Variants in RBFOX1 observed in about 807,000 individuals in gnomAD.
The protein encoded by RBFOX1 is RNA binding fox-1 homolog 1, also known as RNA binding protein fox-1 homolog 1.
Under a neutral mutation model 57.7 loss-of-function variants are expected in RBFOX1, and 8 were observed. The ratio of observed to expected loss-of-function variants is 0.14; its 90% CI spans 0.08 to 0.25. The LOEUF (loss-of-function observed/expected upper bound fraction) is 0.25. RBFOX1 is among the 10% of genes least tolerant of loss of function. The probability of loss-of-function intolerance (pLI) is 1.00; values close to 1 mark genes in which losing one functional copy is unlikely to be tolerated. For missense variants in RBFOX1, 611 were observed against 548.5 expected, an observed-to-expected ratio of 1.11 and a Z score of -1.14; for synonymous variants, 326 against 222.4, an observed-to-expected ratio of 1.47 and a Z score of -4.15.
intron 3 of RBFOX1, among the ~76,000 whole-genome samples, chr16:6,679,649 A>G (rs964587024): frequency 2.0e-5 from 3 of 152,180 alleles, no homozygotes; most frequent in African/African-American, 7.2e-5. Flanking sequence ...CCTTTGCTCA[A>G]AACTTTAAAA....
At chr16:5,274,274 A>G (rs1036269704) in intron 1 of RBFOX1, among the ~76,000 whole-genome samples, 1 of 152,132 alleles carries the variant, frequency 6.6e-6, no homozygotes, top group African/African-American at 2.4e-5. Context: ...TATGCCTGTA[A>G]TCTCAGCCCT....
chr16:7,605,724 A>T (rs1308125022), intron 9 of RBFOX1, among the ~76,000 whole-genome samples: 1 of 152,160 alleles, frequency 6.6e-6, no homozygotes, highest in Non-Finnish European at 1.5e-5. Context: ...CTTCACATTC[A>T]AACTTTAATC....
intron 1 of RBFOX1, among the ~76,000 whole-genome samples, chr16:5,405,068 C>G (rs1455432938): frequency 6.6e-6 from 1 of 152,116 alleles, no homozygotes; most frequent in Non-Finnish European, 1.5e-5. Context: ...GGAATCTGTG[C>G]AAAGAGAGGT....
chr16:6,719,656 T>A (rs578141194), intron 3 of RBFOX1, among the ~76,000 whole-genome samples: 1 of 151,680 alleles, frequency 6.6e-6, no homozygotes, highest in Non-Finnish European at 1.5e-5. Flanking sequence ...CCATGTTAGC[T>A]AGGATGGTCT....
At chr16:6,517,064 T>G (rs1236696747) in intron 2 of RBFOX1, among the ~76,000 whole-genome samples, 1 of 152,180 alleles carries the variant, frequency 6.6e-6, no homozygotes, top group Admixed American at 6.5e-5. Context: ...ATTCCAAATA[T>G]AGAGGTGGAA....
At chr16:6,567,891 G>C (rs1444760623) in intron 2 of RBFOX1, among the ~76,000 whole-genome samples, 1 of 152,140 alleles carries the variant, frequency 6.6e-6, no homozygotes, top group African/African-American at 2.4e-5. Context: ...TGAGATTACA[G>C]TTTGCTGGAG....
At chr16:6,470,118 A>C (rs1277909615) in intron 2 of RBFOX1, among the ~76,000 whole-genome samples, 2 of 152,176 alleles carry the variant, frequency 1.3e-5, no homozygotes, top group Admixed American at 6.5e-5. Flanking sequence ...ATTCATTTAA[A>C]ATAGAGTATA....
Position 6,905,356 on chromosome 16 carries a change from C to T in RBFOX1, c.-15-146701C>T, listed in dbSNP as rs2069583403. 2.0e-5 allele frequency among the ~76,000 whole-genome samples: 3 copies of T among 151,960 alleles called. No individual in the cohort carries two copies. In the South Asian group the frequency reaches 6.2e-4, roughly 32 times the overall value. ...ATCCCCTGAGGTTGGGAGTTCGAGA[C>T]TCCCAGGCCAACAAGGCAAAACCCC... On this transcript the variant is annotated intron_variant, in intron 3 of 15. Coordinates refer to ENST00000550418, the MANE Select transcript of RBFOX1 (RefSeq NM_018723.4).
At chr16:6,069,748 A>C (rs1445925571) in intron 1 of RBFOX1, among the ~76,000 whole-genome samples, 3 of 152,180 alleles carry the variant, frequency 2.0e-5, no homozygotes, top group Non-Finnish European at 4.4e-5. Context: ...ACACTTTGGG[A>C]GGCTGAGGTG....
At chr16:6,570,554 TA>T (rs1386001944) in intron 2 of RBFOX1, among the ~76,000 whole-genome samples, 1 of 152,182 alleles carries the variant, frequency 6.6e-6, no homozygotes, top group Admixed American at 6.5e-5. Flanking sequence ...CATGTATGCT[TA>T]ATTGGAAAAA....
intron 1 of RBFOX1, among the ~76,000 whole-genome samples, chr16:6,255,710 C>T (rs185875316): frequency 1.1e-4 from 17 of 151,742 alleles, no homozygotes; most frequent in East Asian, 7.8e-4. Context: ...ACTATGCAGC[C>T]GTAAAAAAAG....
intron 2 of RBFOX1, among the ~76,000 whole-genome samples, chr16:6,406,794 A>G (rs2093296708): frequency 6.6e-6 from 1 of 152,160 alleles, no homozygotes; most frequent in Non-Finnish European, 1.5e-5. Context: ...TGGGGTCAGG[A>G]TCCATTCAGA....
intron 3 of RBFOX1, among the ~76,000 whole-genome samples, chr16:6,751,549 C>G (rs1034466250): frequency 2.6e-5 from 4 of 152,144 alleles, no homozygotes; most frequent in African/African-American, 9.7e-5. Flanking sequence ...GGATAAAGAA[C>G]TAGAAAGGTA....
chr16:6,845,369 A>G (rs532906820), intron 3 of RBFOX1, among the ~76,000 whole-genome samples: 15 of 150,306 alleles, frequency 1.0e-4, no homozygotes, highest in Non-Finnish European at 2.2e-4. Context: ...TTGTGTAAGG[A>G]AGAGGTCCAG....
chr16:6,418,799 G>A (rs1183817950), intron 2 of RBFOX1, among the ~76,000 whole-genome samples: 1 of 152,092 alleles, frequency 6.6e-6, no homozygotes, highest in East Asian at 1.9e-4. Flanking sequence ...AATATGCTGG[G>A]ATTACAGGCA....
chr16:6,833,645 C>G (rs2092875296), intron 3 of RBFOX1, among the ~76,000 whole-genome samples: 1 of 152,170 alleles, frequency 6.6e-6, no homozygotes, highest in Admixed American at 6.5e-5. Flanking sequence ...TTGTCTTCCT[C>G]ATGTCTTCCC....
chr16:5,729,535 A>G (rs1037754224), intron 3 of RBFOX1, among the ~76,000 whole-genome samples: 4 of 151,938 alleles, frequency 2.6e-5, no homozygotes, highest in African/African-American at 4.8e-5. Context: ...GCATGTGGGA[A>G]CTAAGACCTG....
intron 3 of RBFOX1, among the ~76,000 whole-genome samples, chr16:5,758,145 A>G (rs1407752263): frequency 2.0e-5 from 3 of 152,372 alleles, no homozygotes; most frequent in East Asian, 1.9e-4. Context: ...GAGCCAGGAA[A>G]GACTCCACTA....
At chr16:7,005,346 G>GA (rs1275085780) in intron 3 of RBFOX1, among the ~76,000 whole-genome samples, 2 of 152,026 alleles carry the variant, frequency 1.3e-5, no homozygotes, top group Admixed American at 1.3e-4. Flanking sequence ...CTTTGGGGGA[G>GA]AAAGACTAAG....
Sources: gnomAD v4.1 joint callset for allele counts (sites outside exome capture counted in the v4.1 genomes callset) on GRCh38, gnomAD v4.1.1 for gene constraint, MANE v1.5 for transcripts, NCBI Gene and HGNC (gene_info 2026-07-23, HGNC 2026-07-21) for gene names.